Variants in IL1RAPL2 observed in about 807,000 individuals in gnomAD.
The protein encoded by IL1RAPL2 is interleukin 1 receptor accessory protein like 2.
A neutral mutation model predicts 44.1 loss-of-function variants in IL1RAPL2; 3 were observed. The ratio of observed to expected loss-of-function variants is 0.07; its 90% CI spans 0.03 to 0.18. The LOEUF (loss-of-function observed/expected upper bound fraction) is 0.18, where lower values mean the gene tolerates loss of function less well. Ranked by LOEUF, IL1RAPL2 falls within the 10% of genes least tolerant of loss-of-function variation. IL1RAPL2 has a pLI of 1.00. For synonymous variants in IL1RAPL2, 181 were observed against 178.8 expected (o/e 1.01, Z -0.10); for missense variants, 391 against 496.4 (o/e 0.79, Z 2.02).
chrX:104,676,875 C>T (rs1489986463), intron 2 of IL1RAPL2, among the ~76,000 whole-genome samples: 2 of 112,058 alleles, frequency 1.8e-5, no homozygotes, highest in East Asian at 5.6e-4. Flanking sequence ...GATACCCTTT[C>T]TTCCAGTTGA....
intron 4 of IL1RAPL2, among the ~76,000 whole-genome samples, chrX:105,244,236 A>T (rs1603029740): frequency 9.0e-6 from 1 of 111,383 alleles, no homozygotes; most frequent in Admixed American, 9.6e-5. Context: ...TACCTCAAAT[A>T]TTGTCTTTTT....
At chrX:104,720,404 G>T (rs945594388) in intron 2 of IL1RAPL2, among the ~76,000 whole-genome samples, 9 of 111,399 alleles carry the variant, frequency 8.1e-5, no homozygotes, top group Non-Finnish European at 1.7e-4. Context: ...TAAACATAAG[G>T]TATACATAAA....
intron 6 of IL1RAPL2, among the ~76,000 whole-genome samples, chrX:105,641,377 G>C (rs1740467477): frequency 9.0e-6 from 1 of 111,134 alleles, no homozygotes; most frequent in Admixed American, 9.6e-5. Context: ...GCCCTTGTCT[G>C]GGGAGCTCAC....
At chrX:105,054,700 T>C (rs2031970941) in intron 2 of IL1RAPL2, among the ~76,000 whole-genome samples, 2 of 112,549 alleles carry the variant, frequency 1.8e-5, no homozygotes, top group African/African-American at 6.5e-5. Flanking sequence ...AGCTACTATA[T>C]GGAACAGTGC....
At chrX:104,889,180 T>C (rs1923346038) in intron 2 of IL1RAPL2, among the ~76,000 whole-genome samples, 2 of 111,211 alleles carry the variant, frequency 1.8e-5, no homozygotes, top group Admixed American at 1.9e-4. Context: ...GGTTCTGTAA[T>C]GGCAAACATA....
chrX:104,965,793 AGATG>A (rs2030109513), intron 2 of IL1RAPL2, among the ~76,000 whole-genome samples: 1 of 112,049 alleles, frequency 8.9e-6, no homozygotes, highest in South Asian at 3.6e-4. Context: ...AAAATTCAGT[AGATG>A]GATTAAACAG....
intron 1 of IL1RAPL2, among the ~76,000 whole-genome samples, chrX:104,592,037 ATTTGTTTG>A (rs759143308): frequency 8.3e-5 from 9 of 108,947 alleles, no homozygotes; most frequent in African/African-American, 1.3e-4. Context: ...TATTTTAGGT[ATTTGTTTG>A]TTTGTTTGTT....
Position 105,647,048 on chromosome X carries a change from C to A in IL1RAPL2, c.773-70319C>A, listed in dbSNP as rs773686711. On this transcript the variant is annotated intron_variant, in intron 6 of 10. Coordinates refer to ENST00000372582, the MANE Select transcript of IL1RAPL2 (RefSeq NM_017416.2). Reference sequence around the variant, plus strand: ...GTGAGTGTTATAGCTCTATTAGAAGCCGTGGCTCACGGAAGAGAACTGTGG... The same window carrying A: ...GTGAGTGTTATAGCTCTATTAGAAGACGTGGCTCACGGAAGAGAACTGTGG... Among the ~76,000 whole-genome samples the A allele has an allele frequency of 3.6e-5, 4 of 112,249 alleles. 1 individual carries two copies. The South Asian group carries it at 1.5e-3, about 41-fold the overall frequency.
chrX:105,503,114 A>G (rs2036407391), intron 6 of IL1RAPL2, among the ~76,000 whole-genome samples: 1 of 111,157 alleles, frequency 9.0e-6, no homozygotes, highest in South Asian at 3.9e-4. Context: ...AACCATAAAT[A>G]ATAGCAGCCT....
chrX:104,852,787 G>C (rs1922261973), intron 2 of IL1RAPL2, among the ~76,000 whole-genome samples: 2 of 111,973 alleles, frequency 1.8e-5, no homozygotes, highest in African/African-American at 6.5e-5. Flanking sequence ...AAGGAGGATG[G>C]ACTTTTGTGC....
chrX:104,789,145 T>C (rs1602728196), intron 2 of IL1RAPL2, among the ~76,000 whole-genome samples: 1 of 112,091 alleles, frequency 8.9e-6, no homozygotes, highest in East Asian at 2.8e-4. Flanking sequence ...TAAAAAATCA[T>C]TTCAACTTTT....
chrX:104,892,081 A>G (rs1329545295), intron 2 of IL1RAPL2, among the ~76,000 whole-genome samples: 1 of 111,647 alleles, frequency 9.0e-6, no homozygotes, highest in South Asian at 3.8e-4. Context: ...GGTTCTGTTT[A>G]TATGGTGGAC....
At chrX:105,025,456 G>C (rs111682945) in intron 2 of IL1RAPL2, among the ~76,000 whole-genome samples, 7,640 of 110,803 alleles carry the variant, frequency 0.069, 698 homozygotes, top group African/African-American at 0.24. Flanking sequence ...CTGGCCTGCC[G>C]CTAAATGTCA....
intron 5 of IL1RAPL2, among the ~76,000 whole-genome samples, chrX:105,388,163 A>G (rs1485291506): frequency 1.1e-5 from 1 of 90,715 alleles, no homozygotes; most frequent in East Asian, 3.3e-4. Context: ...AAAAAAAAAA[A>G]AAAAAAAAAA....
chrX:104,876,661 T>TC (rs1159069301), intron 2 of IL1RAPL2, among the ~76,000 whole-genome samples: 2 of 106,463 alleles, frequency 1.9e-5, no homozygotes, highest in Non-Finnish European at 3.9e-5. Flanking sequence ...CTTTTTTTTT[T>TC]TTTTTTTCAA....
chrX:105,289,066 C>CT (rs962589698), intron 5 of IL1RAPL2, among the ~76,000 whole-genome samples: 5 of 110,382 alleles, frequency 4.5e-5, no homozygotes, highest in African/African-American at 6.6e-5. Flanking sequence ...TTGATACTCT[C>CT]TTTTTTTTGT....
chrX:105,133,913 A>G (rs1234114957), intron 2 of IL1RAPL2, among the ~76,000 whole-genome samples: 1 of 111,764 alleles, frequency 8.9e-6, no homozygotes, highest in Non-Finnish European at 1.9e-5. Context: ...TTTTGAGGGG[A>G]CACCCGTAGT....
chrX:105,537,330 G>A (rs968659337), intron 6 of IL1RAPL2, among the ~76,000 whole-genome samples: 10 of 111,385 alleles, frequency 9.0e-5, no homozygotes, highest in Admixed American at 3.8e-4. Context: ...AATGGGGAAC[G>A]TTGACCTATA....
At chrX:104,626,802 A>T (rs943508187) in intron 1 of IL1RAPL2, among the ~76,000 whole-genome samples, 4 of 107,014 alleles carry the variant, frequency 3.7e-5, no homozygotes, top group Middle Eastern at 4.9e-3. Flanking sequence ...TCTTTGTTCC[A>T]ATTGTAGTGT....
Sources: gnomAD v4.1 joint callset for allele counts (sites outside exome capture counted in the v4.1 genomes callset) on GRCh38, gnomAD v4.1.1 for gene constraint, MANE v1.5 for transcripts, NCBI Gene and HGNC (gene_info 2026-07-23, HGNC 2026-07-21) for gene names.